ACOXL: variants seen among roughly 807,000 people sequenced by gnomAD.
ACOXL encodes acyl-coenzyme A oxidase-like protein.
ACOXL carries 70 observed loss-of-function variants against 71.9 expected under a neutral mutation model. The observed-to-expected ratio is 0.97, with a 90% CI of 0.80 to 1.19. ACOXL has a LOEUF of 1.19. Among genes scored for constraint, ACOXL ranks in the 50% most tolerant of loss-of-function variants. ACOXL has a pLI of 0.00. For synonymous variants in ACOXL, 253 were observed against 281.6 expected (o/e 0.90, Z 1.02); for missense variants, 703 against 736.3 (o/e 0.95, Z 0.52).
chr2:110,794,612 C>T (rs1174166820), intron 5 of ACOXL, among the ~76,000 whole-genome samples: 1 of 152,170 alleles, frequency 6.6e-6, no homozygotes, highest in African/African-American at 2.4e-5. Flanking sequence ...GCTGAGTCTT[C>T]TGTACTGGGA....
intron 7 of ACOXL, among the ~76,000 whole-genome samples, chr2:110,800,832 G>A (rs1271152996): frequency 6.6e-6 from 1 of 152,146 alleles, no homozygotes; most frequent in Non-Finnish European, 1.5e-5. Flanking sequence ...CTCCTTGAAA[G>A]TTCCTTGCAT....
At chr2:110,793,266 A>G (rs1573539772) in intron 3 of ACOXL, among the ~76,000 whole-genome samples, 1 of 151,178 alleles carries the variant, frequency 6.6e-6, no homozygotes, top group Non-Finnish European at 1.5e-5. Flanking sequence ...GGCAGGACTC[A>G]CCTCCACAGA....
At position 111,037,165 on chromosome 2, in the gene ACOXL, A is replaced by G. The variant is rs552107380; in HGVS notation, c.1369+5451A>G. On this transcript the variant is annotated intron_variant, in intron 15 of 17. Transcript: ENST00000439055. ...TCTTCATGCTGGGGTTCCCTCCCCA[A>G]GCTTCTCCATCTCCCCAAGCCATGT... is the stretch of plus-strand genomic sequence containing the variant. 1.4e-4 allele frequency among the ~76,000 whole-genome samples: 21 copies of G among 152,228 alleles called. No homozygotes were observed. In the East Asian group the frequency reaches 2.5e-3, roughly 18 times the overall value.
chr2:110,760,794 T>C (rs1424152879), intron 1 of ACOXL, among the ~76,000 whole-genome samples: 4 of 152,206 alleles, frequency 2.6e-5, no homozygotes, highest in Non-Finnish European at 5.9e-5. Context: ...ACTTTTTTTT[T>C]CATTAGTGTT....
chr2:110,741,775 GT>G (rs1677571650), intron 1 of ACOXL, among the ~76,000 whole-genome samples: 1 of 152,084 alleles, frequency 6.6e-6, no homozygotes, highest in Non-Finnish European at 1.5e-5. Context: ...AAGGAATTTG[GT>G]TTAACCAATC....
At chr2:110,792,370 T>C (rs1684751403) in intron 3 of ACOXL, among the ~76,000 whole-genome samples, 1 of 152,258 alleles carries the variant, frequency 6.6e-6, no homozygotes, top group South Asian at 2.1e-4. Flanking sequence ...TCAGTCACCC[T>C]GCTCCTTCCA....
At chr2:110,977,344 A>G (rs969699145) in intron 12 of ACOXL, among the ~76,000 whole-genome samples, 1 of 151,940 alleles carries the variant, frequency 6.6e-6, no homozygotes, top group African/African-American at 2.4e-5. Flanking sequence ...CGAGATCGCC[A>G]CTGCACCCCA....
chr2:110,998,696 A>G (rs1040569466), intron 14 of ACOXL, among the ~76,000 whole-genome samples: 1 of 152,178 alleles, frequency 6.6e-6, no homozygotes, highest in Non-Finnish European at 1.5e-5. Context: ...TTCCATTACA[A>G]TATGATCCCT....
At chr2:110,907,539 C>T (rs1046384845) in intron 10 of ACOXL, among the ~76,000 whole-genome samples, 3 of 151,252 alleles carry the variant, frequency 2.0e-5, no homozygotes, top group South Asian at 2.1e-4. Context: ...TGTGGTTGGG[C>T]GTGAACTAGG....
At chr2:110,957,982 G>C (rs1040943859) in intron 12 of ACOXL, among the ~76,000 whole-genome samples, 5 of 151,112 alleles carry the variant, frequency 3.3e-5, no homozygotes, top group Non-Finnish European at 5.9e-5. Context: ...CCTGGGAGGC[G>C]GAGATTGCAG....
At chr2:110,939,776 A>G (rs1010192717) in intron 12 of ACOXL, among the ~76,000 whole-genome samples, 3 of 152,106 alleles carry the variant, frequency 2.0e-5, no homozygotes, top group East Asian at 3.9e-4. Flanking sequence ...AACATTTGGG[A>G]TTTTTTTGCA....
chr2:110,955,463 G>A (rs1197155469), intron 12 of ACOXL, among the ~76,000 whole-genome samples: 12 of 132,172 alleles, frequency 9.1e-5, no homozygotes, highest in African/African-American at 2.3e-4. Flanking sequence ...TCTGTCTCTC[G>A]CCACCTATGG....
chr2:110,824,019 A>G (rs1200091347), intron 9 of ACOXL, among the ~76,000 whole-genome samples: 1 of 152,178 alleles, frequency 6.6e-6, no homozygotes, highest in Non-Finnish European at 1.5e-5. Flanking sequence ...TTGGTGCTAT[A>G]TCTAAAAATT....
chr2:111,071,260 C>A (rs540562371), intron 16 of ACOXL, among the ~76,000 whole-genome samples: 1 of 152,296 alleles, frequency 6.6e-6, no homozygotes, highest in Non-Finnish European at 1.5e-5. Context: ...CTAAGATGAA[C>A]ATCCCCCCTC....
chr2:111,036,446 G>A (rs971144316), intron 15 of ACOXL, among the ~76,000 whole-genome samples: 1 of 152,310 alleles, frequency 6.6e-6, no homozygotes, highest in East Asian at 1.9e-4. Context: ...CCAGTGAGAA[G>A]GTCTGTTGCA....
chr2:111,116,878 G>C (rs1021865415), intron 17 of ACOXL, among the ~76,000 whole-genome samples: 2 of 152,120 alleles, frequency 1.3e-5, no homozygotes, highest in African/African-American at 2.4e-5. Context: ...CACCAGTGCA[G>C]CTTCCAAAAC....
intron 10 of ACOXL, among the ~76,000 whole-genome samples, chr2:110,861,785 C>G (rs1693984455): frequency 6.6e-6 from 1 of 152,194 alleles, no homozygotes; most frequent in Non-Finnish European, 1.5e-5. Flanking sequence ...GGATCTTGCT[C>G]TCTGAGCTGT....
intron 9 of ACOXL, among the ~76,000 whole-genome samples, chr2:110,841,102 G>A (rs1559330951): frequency 1.3e-5 from 2 of 152,146 alleles, no homozygotes; most frequent in Non-Finnish European, 2.9e-5. Context: ...CCCTATTTTG[G>A]AAGCCATTCC....
chr2:111,082,141 A>C (rs76973812), intron 16 of ACOXL, among the ~76,000 whole-genome samples: 14,264 of 152,236 alleles, frequency 0.094, 728 homozygotes, highest in Non-Finnish European at 0.11. Context: ...CACCAAAAGC[A>C]ATGCCAATGA....
Sources: gnomAD v4.1 joint callset for allele counts (sites outside exome capture counted in the v4.1 genomes callset) on GRCh38, gnomAD v4.1.1 for gene constraint, MANE v1.5 for transcripts, NCBI Gene and HGNC (gene_info 2026-07-23, HGNC 2026-07-21) for gene names.